COLEC12: variants seen among roughly 807,000 people sequenced by gnomAD.
The protein encoded by COLEC12 is collectin-12.
In COLEC12, 33 loss-of-function variants were observed where a neutral mutation model predicts 71.1. That is an observed-to-expected ratio of 0.46 (90% CI 0.35 to 0.62). The LOEUF (loss-of-function observed/expected upper bound fraction) is 0.62. Among genes scored for constraint, COLEC12 ranks in the 20% least tolerant of loss-of-function variants. The probability of loss-of-function intolerance (pLI) is 0.00; values close to 1 mark genes in which losing one functional copy is unlikely to be tolerated. For missense variants in COLEC12, 765 were observed against 916.1 expected (o/e 0.84, Z 2.13); for synonymous variants, 350 against 353.0 (o/e 0.99, Z 0.10).
intron 4 of COLEC12, 133 bp downstream of exon 4, chr18:347,932 A>G: frequency 1.8e-6 from 1 of 557,958 alleles, no homozygotes; most frequent in East Asian, 2.9e-5. Context: ...TCATGAGGGG[A>G]GACTCAACAT....
At chr18:366,166 A>T (rs1367259815) in intron 2 of COLEC12, among the ~76,000 whole-genome samples, 1 of 152,202 alleles carries the variant, frequency 6.6e-6, no homozygotes, top group Non-Finnish European at 1.5e-5. Context: ...ATGTCTTCAT[A>T]TGACAGAAGG....
intron 2 of COLEC12, among the ~76,000 whole-genome samples, chr18:387,574 A>G (rs1915371984): frequency 6.6e-6 from 1 of 152,184 alleles, no homozygotes; most frequent in Admixed American, 6.5e-5. Flanking sequence ...TCAATGACAT[A>G]GTGCAATCCT....
At chr18:471,288 T>C (rs201362315) in intron 2 of COLEC12, among the ~76,000 whole-genome samples, 1 of 7,196 alleles carries the variant, frequency 1.4e-4, no homozygotes, top group Non-Finnish European at 2.5e-4. Flanking sequence ...CAATGTTTCA[T>C]TGTGGCAAGA....
intron 5 of COLEC12, among the ~76,000 whole-genome samples, chr18:343,053 C>T (rs1914292051): frequency 6.6e-6 from 1 of 152,152 alleles, no homozygotes; most frequent in African/African-American, 2.4e-5. Flanking sequence ...TCACTCACTC[C>T]CCACAGCCAA....
In COLEC12 at chr18:321,650, T is replaced by G; in HGVS notation, c.2209+12A>C. 1 of 1,614,110 alleles carries G rather than the reference T, an allele frequency of 6.2e-7. No individual in the cohort carries two copies. The highest frequency in any genetic ancestry group is 8.5e-7 in the Non-Finnish European group (1 of 1,179,986). ...GCTGGCAGCTCCCTCTTAAATCCCA[T>G]CTACTGCTCACCTGTCTCCCTGTCT... On this transcript the variant is annotated intron_variant, in intron 9 of 9. Coordinates refer to ENST00000400256, the MANE Select transcript of COLEC12 (RefSeq NM_130386.3).
chr18:484,567 C>G (rs1917484172), intron 1 of COLEC12, among the ~76,000 whole-genome samples: 1 of 152,156 alleles, frequency 6.6e-6, no homozygotes, highest in Non-Finnish European at 1.5e-5. Flanking sequence ...TTAAATCAGT[C>G]TCTCTCAATG....
chr18:433,807 T>C (rs1190207265), intron 2 of COLEC12, among the ~76,000 whole-genome samples: 4 of 151,644 alleles, frequency 2.6e-5, no homozygotes, highest in African/African-American at 9.7e-5. Flanking sequence ...CTACAAAAAG[T>C]ACAGAAATTA....
chr18:394,760 C>G (rs917348291), intron 2 of COLEC12, among the ~76,000 whole-genome samples: 1 of 152,332 alleles, frequency 6.6e-6, no homozygotes, highest in Admixed American at 6.5e-5. Flanking sequence ...AATGAGTTGT[C>G]CGCAGAAGCG....
rs937470465 is a variant in COLEC12, at chr18:482,745, G to T, written c.8-1988C>A. 5.9e-5 allele frequency among the ~76,000 whole-genome samples: 9 copies of T among 152,042 alleles called. No individual in the cohort carries two copies. In the East Asian group the frequency reaches 1.8e-3, roughly 30 times the overall value. ...TCCTGCCTCAGCCTCCCAAGTAACTGGGATTGCAGGCGCCCACTACCACGC... is the reference window on the plus strand; with the variant it reads ...TCCTGCCTCAGCCTCCCAAGTAACTTGGATTGCAGGCGCCCACTACCACGC... On this transcript the variant is annotated intron_variant, in intron 1 of 9. Coordinates refer to ENST00000400256, the MANE Select transcript of COLEC12 (RefSeq NM_130386.3).
At chr18:342,647 T>A (rs541517637) in intron 5 of COLEC12, among the ~76,000 whole-genome samples, 8 of 152,174 alleles carry the variant, frequency 5.3e-5, no homozygotes, top group South Asian at 2.1e-4. Flanking sequence ...AACACTTGCA[T>A]TCAGAAATGG....
chr18:482,110 G>A (rs1310711317), intron 1 of COLEC12, among the ~76,000 whole-genome samples: 1 of 150,884 alleles, frequency 6.6e-6, no homozygotes, highest in African/African-American at 2.4e-5. Context: ...TACTGTCCAG[G>A]AGGAACACTT....
rs879259081 is a variant in COLEC12 at position 408,613 on chromosome 18, A to G, written c.59-51091T>C. Among the ~76,000 whole-genome samples, 3,068 of 56,900 alleles carry G rather than the reference A, an allele frequency of 0.054. 110 individuals carry two copies. The highest frequency in any genetic ancestry group is 0.12 in the African/African-American group (2,907 of 25,070). The allele number at this position is 56,900 out of a possible 152,430, so 37.3% of individuals were successfully genotyped here. A position where few individuals can be genotyped will look rare whatever the true frequency, so the allele number is the denominator to read the frequency against. On this transcript the variant is annotated intron_variant, in intron 2 of 9. Coordinates refer to ENST00000400256, the MANE Select transcript of COLEC12 (RefSeq NM_130386.3). This position sits in a 1 kb window ranked among gnomAD's most constrained non-coding sequence, Gnocchi z 4.3. ...TATTACCAAATATTGAGAAAAAGGAAAAAAAAAAAAGACAGGAAAATAAAA... is the reference window on the plus strand; with the variant it reads ...TATTACCAAATATTGAGAAAAAGGAGAAAAAAAAAAGACAGGAAAATAAAA...
chr18:328,772 C>T (rs1363573375), intron 8 of COLEC12, among the ~76,000 whole-genome samples: 6 of 152,150 alleles, frequency 3.9e-5, no homozygotes, highest in Non-Finnish European at 7.4e-5. Flanking sequence ...TGGGTCAAGG[C>T]CCAGAACCCC....
chr18:351,870 G>C (rs1914530680), intron 3 of COLEC12, among the ~76,000 whole-genome samples: 1 of 152,280 alleles, frequency 6.6e-6, no homozygotes, highest in South Asian at 2.1e-4. Flanking sequence ...AGTAGAGATG[G>C]GGTTTCTCTA....
At chr18:358,579 A>T (rs676776) in intron 2 of COLEC12, among the ~76,000 whole-genome samples, 44,365 of 152,070 alleles carry the variant, frequency 0.29, 6,775 homozygotes, top group Non-Finnish European at 0.32. Context: ...ATCTGACAGG[A>T]GGCGGAGCTC....
intron 2 of COLEC12, among the ~76,000 whole-genome samples, chr18:383,548 G>A (rs1598346229): frequency 6.6e-6 from 1 of 152,122 alleles, no homozygotes; most frequent in African/African-American, 2.4e-5. Context: ...TTGTATAAAC[G>A]TAAAACAAAA....
Position 327,474 on chromosome 18 carries a change from G to A in COLEC12, c.2063+4194C>T, listed in dbSNP as rs917901829. On this transcript the variant is annotated intron_variant, in intron 8 of 9. Coordinates refer to ENST00000400256, the MANE Select transcript of COLEC12 (RefSeq NM_130386.3). The surrounding 1 kb of genome is among the most constrained non-coding windows in gnomAD (Gnocchi z 4.0). ...CCTCAGCTGGTCCTGTCCTGCTGCG[G>A]TGCAGAAAGAGCCATAAGATTCAGC... Among the ~76,000 whole-genome samples, 7 of 152,152 alleles carry A rather than the reference G, an allele frequency of 4.6e-5. No individual in the cohort carries two copies. The highest frequency in any genetic ancestry group is 1.7e-4 in the African/African-American group (7 of 41,428).
At chr18:383,565 A>AT (rs1295289009) in intron 2 of COLEC12, among the ~76,000 whole-genome samples, 1 of 152,252 alleles carries the variant, frequency 6.6e-6, no homozygotes, top group African/African-American at 2.4e-5. Context: ...AAAAATCAAG[A>AT]TAAAAACTAA....
rs1175590914 is a variant in COLEC12 at position 319,831 on chromosome 18, A to G, written c.*214T>C. 3 of 570,200 alleles carry G rather than the reference A, an allele frequency of 5.3e-6. No individual in the cohort carries two copies. The highest frequency in any genetic ancestry group is 3.8e-5 in the Admixed American group (1 of 26,408). The allele number at this position is 570,200 out of a possible 1,614,324, so 35.3% of individuals were successfully genotyped here. On this transcript the variant is annotated 3_prime_UTR_variant, in exon 10 of 10. Transcript: ENST00000400256. ...TCTATGTGATTCAGTCCATGTGCAC[A>G]ATGAAAATCAGCATATCACCCTGGG...
Sources: allele counts gnomAD v4.1 joint callset (sites outside exome capture counted in the v4.1 genomes callset), GRCh38; gene constraint gnomAD v4.1.1; non-coding constraint Gnocchi (gnomAD v3.1); transcripts MANE v1.5; gene names NCBI Gene and HGNC (gene_info 2026-07-23, HGNC 2026-07-21).